The following PARPBP variants were observed in gnomAD, a reference collection of about 807,000 sequenced individuals.
PARPBP encodes the protein PCNA-interacting partner.
Under a neutral mutation model 50.0 loss-of-function variants are expected in PARPBP, and 52 were observed. The observed-to-expected ratio is 1.04, with a 90% CI of 0.83 to 1.31. The LOEUF is 1.31. Among genes scored for constraint, PARPBP ranks in the 50% most tolerant of loss-of-function variants. The probability of loss-of-function intolerance (pLI) is 0.00; values close to 1 mark genes in which losing one functional copy is unlikely to be tolerated. For synonymous variants in PARPBP, 244 were observed against 232.1 expected, an observed-to-expected ratio of 1.05 and a Z score of -0.47; for missense variants, 697 against 672.0, an observed-to-expected ratio of 1.04 and a Z score of -0.41.
intron 3 of PARPBP, chr12:102,148,907 A>G: frequency 6.5e-6 from 1 of 153,694 alleles, no homozygotes; most frequent in Admixed American, 6.5e-5. Context: ...TGAAAATAGT[A>G]TTATGCAATA....
At position 102,196,370 on chromosome 12, in the gene PARPBP, G is replaced by A; in HGVS notation, c.*79G>A. The A allele has an allele frequency of 3.1e-6, 3 of 954,138 alleles. No individual in the cohort carries two copies. The highest frequency in any genetic ancestry group is 2.5e-5 in the East Asian group (1 of 40,496). The allele number at this position is 954,138 out of a possible 1,614,324, so 59.1% of individuals were successfully genotyped here. Reference sequence around the variant, plus strand: ...CATGCTTAATTTTTAAGAGATCAAGGTGTAAATTATGATGATTTATTATTT... The same window carrying A: ...CATGCTTAATTTTTAAGAGATCAAGATGTAAATTATGATGATTTATTATTT... On this transcript the variant is annotated 3_prime_UTR_variant, in exon 11 of 11. Transcript: ENST00000327680.
rs192799861 is a variant in PARPBP at position 102,120,380 on chromosome 12, G to A, written c.-4+94G>A. On this transcript the variant is annotated intron_variant, in intron 1 of 10. Coordinates refer to ENST00000327680, the MANE Select transcript of PARPBP (RefSeq NM_017915.5). ...GGGTGTTTTGCACTGTAATACCTCG[G>A]TCGTAGCAAAGTGCCGTGGGACCGA... The A allele has an allele frequency of 8.9e-6, 4 of 448,586 alleles. No homozygotes were observed. The East Asian group carries it at 2.8e-4, about 31-fold the overall frequency. 27.8% of individuals were successfully genotyped at this position (448,586 alleles called of 1,614,324 possible).
chr12:102,170,323 A>T (rs192810665), intron 6 of PARPBP, among the ~76,000 whole-genome samples: 120 of 152,380 alleles, frequency 7.9e-4, no homozygotes, highest in Non-Finnish European at 3.7e-4. Context: ...AGGCAATTTC[A>T]TCACTGTACA....
At chr12:102,121,731 A>G (rs1289087115) in intron 1 of PARPBP, among the ~76,000 whole-genome samples, 2 of 151,626 alleles carry the variant, frequency 1.3e-5, no homozygotes, top group African/African-American at 2.4e-5. Flanking sequence ...TTTTTAGTAG[A>G]CAGGGTTTCA....
intron 2 of PARPBP, among the ~76,000 whole-genome samples, chr12:102,145,500 A>T (rs1449211263): frequency 6.6e-6 from 1 of 150,590 alleles, no homozygotes; most frequent in Non-Finnish European, 1.5e-5. Flanking sequence ...CTAGAATATT[A>T]ATGGAGCAGA....
At chr12:102,144,718 A>G (rs1290157088) in intron 2 of PARPBP, among the ~76,000 whole-genome samples, 1 of 152,184 alleles carries the variant, frequency 6.6e-6, no homozygotes, top group Non-Finnish European at 1.5e-5. Flanking sequence ...AAATAGTGTT[A>G]GGAATTTTTG....
chr12:102,165,870 A>C lies in PARPBP; in HGVS notation c.808A>C (p.Ile270Leu), dbSNP rs201568536. The change falls in exon 6 of 11, where the codon ATA becomes CTA. Residue 270 changes from isoleucine to leucine, a missense_variant. Transcript: ENST00000327680. ...IDKLDEILGE[I>L]PNPSIAGGQI... ...CAAATTAGATGAGATTCTTGGAGAA[A>C]TACCAAACCCAAGGTAATGACTTTT... The C allele has an allele frequency of 9.1e-5, 141 of 1,552,234 alleles. No individual in the cohort carries two copies. The East Asian group carries it at 3.1e-3, about 34-fold the overall frequency.
At chr12:102,125,582 A>G (rs1030275723) in intron 2 of PARPBP, among the ~76,000 whole-genome samples, 2 of 152,174 alleles carry the variant, frequency 1.3e-5, no homozygotes, top group Admixed American at 1.3e-4. Flanking sequence ...AAAAAGGCCA[A>G]TACAGCTGTC....
intron 9 of PARPBP, among the ~76,000 whole-genome samples, chr12:102,189,121 T>TA (rs1407952020): frequency 1.3e-5 from 2 of 152,318 alleles, no homozygotes; most frequent in East Asian, 3.9e-4. Context: ...TATTTGAAGA[T>TA]ACATTGGTCA....
chr12:102,120,400 G>A, intron 1 of PARPBP, 114 bp downstream of exon 1: 1 of 453,998 alleles, frequency 2.2e-6, no homozygotes, highest in South Asian at 1.6e-5. Context: ...AGTGCCGTGG[G>A]ACCGAAGTAT....
In PARPBP at chr12:102,130,229, T is replaced by C. The variant is rs537383606; in HGVS notation, c.153+6188T>C. Among the ~76,000 whole-genome samples the C allele has an allele frequency of 3.4e-4, 51 of 152,136 alleles. No individual in the cohort carries two copies. The South Asian group carries it at 9.1e-3, about 27-fold the overall frequency. The stretch of plus-strand genomic sequence containing the variant: ...AACCGGACCTCTTCCTTAAACTACA[T>C]ACAAAAATCAACTCAAGATGAGGGA... On this transcript the variant is annotated intron_variant, in intron 2 of 10. Transcript: ENST00000327680.
In PARPBP at chr12:102,120,213, G is replaced by T. The variant is rs1238463863; in HGVS notation, c.-77G>T. On this transcript the variant is annotated 5_prime_UTR_variant, in exon 1 of 11. Coordinates refer to ENST00000327680, the MANE Select transcript of PARPBP (RefSeq NM_017915.5). ...CAGCGGCGACAGCGGCGACTGCGGC[G>T]GCCGCGGGAGGGCATCCCGTTGGGG... 1.3e-5 allele frequency: 3 copies of T among 222,564 alleles called. No homozygotes were observed. The highest frequency in any genetic ancestry group is 5.4e-5 in the Admixed American group (1 of 18,484). The allele number at this position is 222,564 out of a possible 1,614,324, so 13.8% of individuals were successfully genotyped here.
At chr12:102,191,546 TC>T (rs1890795865) in intron 9 of PARPBP, among the ~76,000 whole-genome samples, 1 of 152,196 alleles carries the variant, frequency 6.6e-6, no homozygotes, top group Admixed American at 6.6e-5. Context: ...ACTTTCATTT[TC>T]GTGTTAATAC....
rs146932578 is a variant in PARPBP at position 102,120,204 on chromosome 12, G to T, written c.-86G>T. The stretch of plus-strand genomic sequence containing the variant: ...AACTGTATTCAGCGGCGACAGCGGC[G>T]ACTGCGGCGGCCGCGGGAGGGCATC... On this transcript the variant is annotated 5_prime_UTR_variant, in exon 1 of 11. Transcript: ENST00000327680. 2.6e-3 allele frequency: 610 copies of T among 231,400 alleles called. 2 individuals carry two copies. Among genetic ancestry groups the T allele is most frequent in the African/African-American group, 0.013 (568 of 43,092 alleles). The allele number at this position is 231,400 out of a possible 1,614,324, so 14.3% of individuals were successfully genotyped here.
chr12:102,196,691 A>G lies in PARPBP; in HGVS notation c.*400A>G, dbSNP rs1565911368. Reference sequence around the variant, plus strand: ...AAGGTCGGTAGACTCTTCCCAGCATACATCTGAGCACTGAAGGAAGAAGAA... The same window carrying G: ...AAGGTCGGTAGACTCTTCCCAGCATGCATCTGAGCACTGAAGGAAGAAGAA... On this transcript the variant is annotated 3_prime_UTR_variant, in exon 11 of 11. Transcript: ENST00000327680. 11 of 1,607,864 alleles carry G rather than the reference A, an allele frequency of 6.8e-6. No homozygotes were observed. Among genetic ancestry groups the G allele is most frequent in the Non-Finnish European group, 6.8e-6 (8 of 1,174,994 alleles).
rs972900431 is a variant in PARPBP at position 102,189,549 on chromosome 12, G to T, written c.1264-5763G>T. On this transcript the variant is annotated intron_variant, in intron 9 of 10. Transcript: ENST00000327680. ...AACAATGCAGTTCTAATGGATTAAA[G>T]ATACACTTAAATGCAATAACTAGAG... Among the ~76,000 whole-genome samples the T allele has an allele frequency of 6.6e-5, 10 of 152,292 alleles. No individual in the cohort carries two copies. In the East Asian group the frequency reaches 1.9e-3, roughly 29 times the overall value.
intron 6 of PARPBP, among the ~76,000 whole-genome samples, chr12:102,171,281 A>G (rs1024547774): frequency 6.6e-6 from 1 of 152,060 alleles, no homozygotes; most frequent in Non-Finnish European, 1.5e-5. Flanking sequence ...TATGTGCACT[A>G]TACTATTATA....
In PARPBP at chr12:102,195,423, C is replaced by G. The variant is rs370128473; in HGVS notation, c.1375C>G (p.Leu459Val). The G allele has an allele frequency of 6.0e-5, 95 of 1,591,950 alleles. No homozygotes were observed. The African/African-American group carries it at 1.1e-3, about 19-fold the overall frequency. Residue 459 changes from leucine (L) to valine (V), a missense_variant, in exon 10 of 11, where the codon CTT becomes GTT. Leu to Val is a conservative substitution (Grantham distance 32). Transcript: ENST00000327680. ...VNLASKPLCVLYMENDLSEGV... is the reference protein window; with the variant it reads ...VNLASKPLCVVYMENDLSEGV... ...TTTAGCATCAAAGCCTTTGTGTGTT[C>G]TTTACATGGAAAATGACCTTTCTGG...
chr12:102,140,211 G>T lies in PARPBP; in HGVS notation c.154-8019G>T, dbSNP rs1298460676. ...TCAACTTCTTCCTGGTTTAGTCTTG[G>T]GAGGGTATATGTGTCCAGGAATTGA... On this transcript the variant is annotated intron_variant, in intron 2 of 10. Coordinates refer to ENST00000327680, the MANE Select transcript of PARPBP (RefSeq NM_017915.5). 4.6e-5 allele frequency among the ~76,000 whole-genome samples: 7 copies of T among 152,080 alleles called. 1 individual carries two copies. In the East Asian group the frequency reaches 1.3e-3, roughly 29 times the overall value.
Sources: gnomAD v4.1 joint callset for allele counts (sites outside exome capture counted in the v4.1 genomes callset) on GRCh38, gnomAD v4.1.1 for gene constraint, MANE v1.5 for transcripts, NCBI Gene and HGNC (gene_info 2026-07-23, HGNC 2026-07-21) for gene names.